The following OXR1 variants were observed in gnomAD, a reference collection of about 807,000 sequenced individuals.
The protein encoded by OXR1 is oxidation resistance protein 1.
OXR1 carries 41 observed loss-of-function variants against 104.6 expected under a neutral mutation model. That is an observed-to-expected ratio of 0.39 (90% CI 0.31 to 0.51). The LOEUF is 0.51. Ranked by LOEUF, OXR1 falls within the 20% of genes least tolerant of loss-of-function variation. OXR1 has a pLI of 0.77. For missense variants in OXR1, 955 were observed against 1,031.9 expected, an observed-to-expected ratio of 0.93 and a Z score of 1.02; for synonymous variants, 348 against 348.4, an observed-to-expected ratio of 1.00 and a Z score of 0.01.
In OXR1 at chr8:106,595,550, C is replaced by CAA. The variant is rs67790797; in HGVS notation, c.220+76430_220+76431dup. Among the ~76,000 whole-genome samples the CAA allele has an allele frequency of 1.7e-3, 101 of 60,562 alleles. 1 individual carries two copies. The highest frequency in any genetic ancestry group is 0.011 in the Middle Eastern group (1 of 94). 39.7% of individuals were successfully genotyped at this position (60,562 alleles called of 152,430 possible). A position where few individuals can be genotyped will look rare whatever the true frequency, so the allele number is the denominator to read the frequency against. ...GGGCGACAAGAGTGAAACTCCGTCT[C>CAA]AAAAAAAAAAAAAAAAAAAAGAAAA... On this transcript the variant is annotated intron_variant, in intron 3 of 16. Transcript: ENST00000517566.
rs1335390514 is a variant in OXR1, at chr8:106,694,578, A to AAT, written c.675+1702_675+1703dup. Among the ~76,000 whole-genome samples the AAT allele has an allele frequency of 3.1e-3, 299 of 97,510 alleles. 84 individuals carry two copies. Among genetic ancestry groups the AAT allele is most frequent in the Middle Eastern group, 9.8e-3 (1 of 102 alleles). The allele number at this position is 97,510 out of a possible 152,430, so 64.0% of individuals were successfully genotyped here. On this transcript the variant is annotated intron_variant, in intron 7 of 16. Coordinates refer to ENST00000517566, the MANE Select transcript of OXR1 (RefSeq NM_001198533.2). ...TATGTTTATATATATTTGATATATAAATGTTTATATATATTTGATATATAA... is the reference window on the plus strand; with the variant it reads ...TATGTTTATATATATTTGATATATAAATATGTTTATATATATTTGATATATAA...
chr8:106,679,335 GTCT>G, intron 4 of OXR1, 43 bp downstream of exon 4: 1 of 1,060,418 alleles, frequency 9.4e-7, no homozygotes, highest in Non-Finnish European at 1.4e-6. Flanking sequence ...CTTTGTAAGA[GTCT>G]TCTTTAAGAC....
intron 2 of OXR1, among the ~76,000 whole-genome samples, chr8:106,480,758 G>T (rs1251993292): frequency 6.6e-6 from 1 of 151,858 alleles, no homozygotes; most frequent in Admixed American, 6.6e-5. Context: ...AGATTTCTGA[G>T]CCTTAAATTC....
intron 2 of OXR1, among the ~76,000 whole-genome samples, chr8:106,508,534 T>C (rs1017836861): frequency 1.3e-5 from 2 of 152,184 alleles, no homozygotes; most frequent in South Asian, 4.1e-4. Context: ...CGAATTTCGA[T>C]AGGGCAGCTT....
intron 3 of OXR1, among the ~76,000 whole-genome samples, chr8:106,670,590 T>C (rs1826841725): frequency 6.6e-6 from 1 of 152,150 alleles, no homozygotes; most frequent in Non-Finnish European, 1.5e-5. Context: ...ATGGATATTC[T>C]AGAAGTGAAA....
intron 2 of OXR1, among the ~76,000 whole-genome samples, chr8:106,503,699 G>A (rs991461053): frequency 6.6e-6 from 1 of 152,148 alleles, no homozygotes; most frequent in Non-Finnish European, 1.5e-5. Context: ...GCTGCCATCC[G>A]GTGAGTATGC....
intron 2 of OXR1, among the ~76,000 whole-genome samples, chr8:106,495,160 AT>A (rs1811334600): frequency 6.6e-6 from 1 of 151,684 alleles, no homozygotes; most frequent in Non-Finnish European, 1.5e-5. Context: ...ATACATAGAT[AT>A]ATAATATTTA....
chr8:106,493,311 G>A (rs552895136), intron 2 of OXR1, among the ~76,000 whole-genome samples: 1 of 152,198 alleles, frequency 6.6e-6, no homozygotes, highest in African/African-American at 2.4e-5. Flanking sequence ...ATTCCCTGCA[G>A]GTGTCTTCTC....
intron 1 of OXR1, among the ~76,000 whole-genome samples, chr8:106,275,771 A>G (rs1362057395): frequency 6.6e-6 from 1 of 151,970 alleles, no homozygotes; most frequent in Non-Finnish European, 1.5e-5. Flanking sequence ...TTCTTGTTGA[A>G]TTCAGGAGCA....
chr8:106,400,945 AG>A (rs1300046976), intron 2 of OXR1, among the ~76,000 whole-genome samples: 2 of 152,234 alleles, frequency 1.3e-5, no homozygotes, highest in Non-Finnish European at 2.9e-5. Flanking sequence ...TCAGTCTGTT[AG>A]TACATATTAT....
intron 9 of OXR1, among the ~76,000 whole-genome samples, chr8:106,708,142 A>G (rs1304628125): frequency 3.5e-4 from 53 of 152,060 alleles, no homozygotes; most frequent in Admixed American, 3.4e-3. Flanking sequence ...CTGTAATCCT[A>G]TCACTTTGGG....
chr8:106,457,236 G>T (rs757556683), intron 2 of OXR1, among the ~76,000 whole-genome samples: 1 of 152,082 alleles, frequency 6.6e-6, no homozygotes, highest in Non-Finnish European at 1.5e-5. Context: ...TAGTTGTCTT[G>T]GGATAGGTTT....
At chr8:106,721,966 A>G (rs961353995) in intron 11 of OXR1, among the ~76,000 whole-genome samples, 2 of 152,188 alleles carry the variant, frequency 1.3e-5, no homozygotes, top group Non-Finnish European at 2.9e-5. Flanking sequence ...AGTTATGGTC[A>G]GGATCATTCA....
At chr8:106,698,043 G>C in intron 7 of OXR1, 1 of 1,517,282 alleles carries the variant, frequency 6.6e-7, no homozygotes, top group Non-Finnish European at 9.1e-7. Context: ...TGCGGGGAGC[G>C]TTCAAACGGG....
At chr8:106,592,140 T>C (rs1313331380) in intron 3 of OXR1, among the ~76,000 whole-genome samples, 1 of 152,226 alleles carries the variant, frequency 6.6e-6, no homozygotes, top group Non-Finnish European at 1.5e-5. Flanking sequence ...TGCTTTACCA[T>C]ATTGCCTTTT....
chr8:106,382,693 T>TTG (rs938326176), intron 2 of OXR1, among the ~76,000 whole-genome samples: 2 of 145,836 alleles, frequency 1.4e-5, no homozygotes, highest in African/African-American at 2.7e-5. Flanking sequence ...TTTTTTTTTT[T>TTG]TTTTTTTTTT....
At chr8:106,674,214 C>T (rs139431546) in intron 3 of OXR1, among the ~76,000 whole-genome samples, 35 of 152,342 alleles carry the variant, frequency 2.3e-4, no homozygotes, top group African/African-American at 8.4e-4. Flanking sequence ...AGGGGTGGAA[C>T]TGCTCAAGGC....
chr8:106,365,854 A>T (rs958340627), intron 2 of OXR1, among the ~76,000 whole-genome samples: 2 of 152,188 alleles, frequency 1.3e-5, no homozygotes, highest in African/African-American at 4.8e-5. Flanking sequence ...GTCTTTAAAA[A>T]CTAATGCCAA....
At chr8:106,615,021 C>T (rs1821103068) in intron 3 of OXR1, among the ~76,000 whole-genome samples, 1 of 152,060 alleles carries the variant, frequency 6.6e-6, no homozygotes, top group South Asian at 2.1e-4. Flanking sequence ...TACATGAAGT[C>T]TTGCTTTAAA....
Sources: gnomAD v4.1 joint callset for allele counts (sites outside exome capture counted in the v4.1 genomes callset) on GRCh38, gnomAD v4.1.1 for gene constraint, MANE v1.5 for transcripts, NCBI Gene and HGNC (gene_info 2026-07-23, HGNC 2026-07-21) for gene names.